Variants in USH2A observed in about 807,000 individuals in gnomAD.
USH2A encodes the protein Usher syndrome 2A (autosomal recessive, mild).
USH2A carries 443 observed loss-of-function variants against 538.9 expected under a neutral mutation model. The ratio of observed to expected loss-of-function variants is 0.82; its 90% confidence interval spans 0.76 to 0.89. The LOEUF is 0.89. Among genes scored for constraint, USH2A ranks in the 40% least tolerant of loss-of-function variants. The pLI, the probability that USH2A is intolerant of heterozygous loss-of-function variation, is 0.00. For missense variants in USH2A, 6,633 were observed against 6,324.8 expected, an observed-to-expected ratio of 1.05 and a Z score of -1.65; for synonymous variants, 2,413 against 2,273.5, an observed-to-expected ratio of 1.06 and a Z score of -1.75.
At chr1:215,634,831 G>A in intron 69 of USH2A, 128 bp from the exon 70 acceptor site, 1 of 1,486,632 alleles carries the variant, frequency 6.7e-7, no homozygotes. Context: ...CTTACTGCTT[G>A]TTTGCACTTG....
At chr1:216,419,438 T>C (rs1411323870) in intron 2 of USH2A, among the ~76,000 whole-genome samples, 1 of 152,128 alleles carries the variant, frequency 6.6e-6, no homozygotes, top group South Asian at 2.1e-4. Context: ...TCTACCCTTA[T>C]TAGAGTGACA....
intron 4 of USH2A, among the ~76,000 whole-genome samples, chr1:216,362,591 C>T (rs1013044305): frequency 1.3e-5 from 2 of 152,044 alleles, no homozygotes. Flanking sequence ...TACTTCAACC[C>T]AGCCATTCAA....
intron 58 of USH2A, among the ~76,000 whole-genome samples, chr1:215,750,721 T>TG (rs1660600523): frequency 2.0e-5 from 3 of 152,290 alleles, no homozygotes; most frequent in African/African-American, 7.2e-5. Context: ...GAGTCAGACT[T>TG]GGACTCACAC....
At position 215,900,178 on chromosome 1, in the gene USH2A, C is replaced by A. The variant is rs142143100; in HGVS notation, c.7491G>T (p.Val2497=). Residue 2497 remains valine (V), a synonymous_variant, in exon 40 of 72, where the codon GTG becomes GTT. Transcript: ENST00000307340. ...ACTCTGTGTACGGTTGGAGATCACT[C>A]ACTTCATAGCTTAACGATGCAGAAG... ...SNPSASLSYE[V]SDLQPYTEYM... is the part of the protein sequence containing the mutation. The A allele has an allele frequency of 3.6e-5, 58 of 1,613,676 alleles. No individual in the cohort carries two copies. The African/African-American group carries it at 7.3e-4, about 20-fold the overall frequency.
At chr1:216,036,474 T>C (rs1308380159) in intron 32 of USH2A, among the ~76,000 whole-genome samples, 1 of 152,194 alleles carries the variant, frequency 6.6e-6, no homozygotes, top group Non-Finnish European at 1.5e-5. Flanking sequence ...TATATACACA[T>C]ATATTTTAAC....
intron 11 of USH2A, among the ~76,000 whole-genome samples, chr1:216,255,858 T>C (rs999841648): frequency 6.6e-6 from 1 of 152,142 alleles, no homozygotes; most frequent in African/African-American, 2.4e-5. Context: ...GGATTTTACT[T>C]TCTCCTTCAG....
rs947481633 is a variant in USH2A at position 215,634,404 on chromosome 1, A to G, written c.15297+55T>C. 4 of 1,613,298 alleles carry G rather than the reference A, an allele frequency of 2.5e-6. No homozygotes were observed. In the African/African-American group the frequency reaches 4.0e-5, roughly 16 times the overall value. On this transcript the variant is annotated intron_variant, in intron 70 of 71. Coordinates refer to ENST00000307340, the MANE Select transcript of USH2A (RefSeq NM_206933.4). ...TATGACACATTTTTCTCAGAAGGAA[A>G]ACAAGTATTCTAGTCCAGTGATAGG... is the stretch of plus-strand genomic sequence containing the variant.
chr1:216,290,635 G>A (rs960693774), intron 10 of USH2A, among the ~76,000 whole-genome samples: 2 of 152,162 alleles, frequency 1.3e-5, no homozygotes, highest in African/African-American at 4.8e-5. Flanking sequence ...AAGTGATTCT[G>A]ATCTTCTCTA....
intron 35 of USH2A, among the ~76,000 whole-genome samples, chr1:215,982,876 G>A (rs1667782355): frequency 6.6e-6 from 1 of 152,168 alleles, no homozygotes. Context: ...GAAGGGAGAG[G>A]TGGATGCTAA....
At chr1:215,674,044 G>A in intron 63 of USH2A, 56 bp downstream of exon 63, 1 of 1,613,126 alleles carries the variant, frequency 6.2e-7, no homozygotes, top group Non-Finnish European at 8.5e-7. Flanking sequence ...AAGGGCTCAG[G>A]CAATAGAAAG....
intron 49 of USH2A, among the ~76,000 whole-genome samples, chr1:215,809,246 A>G (rs1350746536): frequency 6.6e-6 from 1 of 152,198 alleles, no homozygotes; most frequent in African/African-American, 2.4e-5. Context: ...AATGTATCCC[A>G]TGGTACAGGG....
rs1451424911 is a variant in USH2A at position 215,674,885 on chromosome 1, G to A, written c.13026C>T (p.Ser4342=). ...ALQACTSGGC[S]TSKPTSITTL... ...TTGTGATGCTGGTGGGTTTGCTGGT[G>A]GAGCATCCTCCACTCGTGCAGGCTT... Residue 4342 remains serine, a synonymous_variant, in exon 63 of 72, where the codon TCC becomes TCT. Coordinates refer to ENST00000307340, the MANE Select transcript of USH2A (RefSeq NM_206933.4). The A allele has an allele frequency of 6.2e-7, 1 of 1,614,068 alleles. No individual in the cohort carries two copies. The highest frequency in any genetic ancestry group is 8.5e-7 in the Non-Finnish European group (1 of 1,180,000).
At chr1:216,006,951 T>G (rs1419861077) in intron 32 of USH2A, among the ~76,000 whole-genome samples, 3 of 152,186 alleles carry the variant, frequency 2.0e-5, no homozygotes, top group Non-Finnish European at 4.4e-5. Flanking sequence ...TCATCTTGAA[T>G]TGTAGTTCCC....
Position 216,024,079 on chromosome 1 carries a change from T to C in USH2A, c.6325+22352A>G, listed in dbSNP as rs573099002. 8.5e-5 allele frequency among the ~76,000 whole-genome samples: 13 copies of C among 152,254 alleles called. No homozygotes were observed. In the East Asian group the frequency reaches 1.7e-3, roughly 20 times the overall value. On this transcript the variant is annotated intron_variant, in intron 32 of 71. Transcript: ENST00000307340. Reference sequence around the variant, plus strand: ...TAATCATTTCCTTTTTCTTCTTTGATGCACTTGCTATTGTGGAAAGCTAAG... The same window carrying C: ...TAATCATTTCCTTTTTCTTCTTTGACGCACTTGCTATTGTGGAAAGCTAAG...
At chr1:216,124,509 G>A (rs887673656) in intron 21 of USH2A, among the ~76,000 whole-genome samples, 2 of 152,126 alleles carry the variant, frequency 1.3e-5, no homozygotes, top group Admixed American at 1.3e-4. Context: ...AACCCCTCCA[G>A]ATAGAAATAC....
At chr1:216,002,634 C>T (rs993231304) in intron 32 of USH2A, among the ~76,000 whole-genome samples, 2 of 152,072 alleles carry the variant, frequency 1.3e-5, no homozygotes, top group Non-Finnish European at 2.9e-5. Flanking sequence ...ATCAGATTGT[C>T]TTGGTCAGCC....
chr1:215,798,583 TATC>T (rs1018088503), intron 50 of USH2A, among the ~76,000 whole-genome samples: 3 of 152,140 alleles, frequency 2.0e-5, no homozygotes, highest in Non-Finnish European at 2.9e-5. Context: ...TATAACAAAA[TATC>T]ATTATAATAA....
chr1:216,096,397 A>C (rs1024603257), intron 22 of USH2A, among the ~76,000 whole-genome samples: 6 of 152,114 alleles, frequency 3.9e-5, no homozygotes, highest in African/African-American at 1.4e-4. Flanking sequence ...GTACTGCCCC[A>C]CCTGAAATAT....
At chr1:216,119,005 A>C (rs75056636) in intron 21 of USH2A, among the ~76,000 whole-genome samples, 3,598 of 152,352 alleles carry the variant, frequency 0.024, 59 homozygotes, top group Non-Finnish European at 0.032. Flanking sequence ...GCTTCTGAGA[A>C]ACAAAGGACT....
Sources: gnomAD v4.1 joint callset for allele counts (sites outside exome capture counted in the v4.1 genomes callset) on GRCh38, gnomAD v4.1.1 for gene constraint, MANE v1.5 for transcripts, NCBI Gene and HGNC (gene_info 2026-07-23, HGNC 2026-07-21) for gene names.